The following PCDHA11 variants were observed in gnomAD, a reference collection of about 807,000 sequenced individuals.
PCDHA11 encodes protocadherin alpha 11.
PCDHA11 carries 61 observed loss-of-function variants against 70.3 expected under a neutral mutation model. The observed-to-expected ratio is 0.87, with a 90% CI of 0.71 to 1.07. The LOEUF is 1.07. Among genes scored for constraint, PCDHA11 ranks in the 50% least tolerant of loss-of-function variants. The pLI is 0.00. For missense variants in PCDHA11, 1,324 were observed against 1,237.5 expected (o/e 1.07, Z -1.05); for synonymous variants, 633 against 555.1 (o/e 1.14, Z -1.97).
At chr5:140,875,997 T>C in intron 1 of PCDHA11, 13 of 1,613,924 alleles carry the variant, frequency 8.1e-6, no homozygotes, top group South Asian at 1.1e-5. Context: ...TAAGTCTAAA[T>C]GAGAATTTTG....
chr5:140,979,405 C>A (rs2096849045), intron 2 of PCDHA11, among the ~76,000 whole-genome samples: 1 of 151,828 alleles, frequency 6.6e-6, no homozygotes, highest in Non-Finnish European at 1.5e-5. Flanking sequence ...TGTTGTCTAC[C>A]TTGTTTTTTT....
chr5:140,915,373 C>T (rs1234241584), intron 1 of PCDHA11, among the ~76,000 whole-genome samples: 12 of 152,126 alleles, frequency 7.9e-5, no homozygotes, highest in African/African-American at 2.2e-4. Flanking sequence ...GTAAGTGTCT[C>T]GGCATTGAAG....
intron 1 of PCDHA11, among the ~76,000 whole-genome samples, chr5:140,942,913 G>GA (rs58669311): frequency 1.5e-4 from 23 of 148,948 alleles, no homozygotes; most frequent in Middle Eastern, 3.5e-3. Flanking sequence ...TAAGCGTGAA[G>GA]AAAAAAAAAA....
Position 140,967,000 on chromosome 5 carries a change from C to T in PCDHA11, c.2392-11949C>T, listed in dbSNP as rs544624379. The T allele has an allele frequency of 6.1e-5, 98 of 1,604,962 alleles. No individual in the cohort carries two copies. The East Asian group carries it at 2.1e-3, about 35-fold the overall frequency. ...GGCGCTTGGGGCCGGGTTGCTTGCG[C>T]ATCAACCATCTGGGTGCGCCCAGTC... On this transcript the variant is annotated intron_variant, in intron 1 of 3. Coordinates refer to ENST00000398640, the MANE Select transcript of PCDHA11 (RefSeq NM_018902.5).
At chr5:140,890,634 T>A (rs986470825) in intron 1 of PCDHA11, among the ~76,000 whole-genome samples, 3 of 152,204 alleles carry the variant, frequency 2.0e-5, no homozygotes, top group African/African-American at 7.2e-5. Context: ...TAAGCATGTA[T>A]CCTTGATATA....
intron 1 of PCDHA11, among the ~76,000 whole-genome samples, chr5:140,886,289 T>C (rs115070123): frequency 0.081 from 12,299 of 152,020 alleles, 542 homozygotes; most frequent in Middle Eastern, 0.13. Context: ...ATTATTTTTA[T>C]ATTTATTTAT....
At chr5:140,912,010 G>A (rs1208180595) in intron 1 of PCDHA11, among the ~76,000 whole-genome samples, 1 of 152,202 alleles carries the variant, frequency 6.6e-6, no homozygotes. Flanking sequence ...CCATCTGCAA[G>A]CTGAGGAGCA....
chr5:140,875,438 T>A, intron 1 of PCDHA11: 1 of 1,568,134 alleles, frequency 6.4e-7, no homozygotes, highest in Non-Finnish European at 8.6e-7. Flanking sequence ...CCCTTAAAAC[T>A]GATTGTCCCA....
chr5:140,976,494 G>A (rs1247242198), intron 1 of PCDHA11, among the ~76,000 whole-genome samples: 1 of 151,942 alleles, frequency 6.6e-6, no homozygotes, highest in Non-Finnish European at 1.5e-5. Context: ...GAGGTTGCAG[G>A]GAGCCAAGAT....
At chr5:140,907,170 TG>T (rs1318866379) in intron 1 of PCDHA11, among the ~76,000 whole-genome samples, 1 of 152,188 alleles carries the variant, frequency 6.6e-6, no homozygotes. Flanking sequence ...TATTGGATGC[TG>T]ATTCAGAGCA....
chr5:140,958,775 A>C (rs1179723793), intron 1 of PCDHA11, among the ~76,000 whole-genome samples: 1 of 152,170 alleles, frequency 6.6e-6, no homozygotes, highest in African/African-American at 2.4e-5. Flanking sequence ...GTTTGAAATC[A>C]ACTTTCTATT....
intron 1 of PCDHA11, among the ~76,000 whole-genome samples, chr5:140,933,883 T>C (rs376864592): frequency 1.3e-5 from 2 of 152,084 alleles, no homozygotes; most frequent in East Asian, 1.9e-4. Context: ...GTTTTATCTG[T>C]ACTTTTGAAT....
intron 1 of PCDHA11, among the ~76,000 whole-genome samples, chr5:140,952,265 G>A (rs1292970434): frequency 6.6e-6 from 1 of 151,556 alleles, no homozygotes; most frequent in African/African-American, 2.4e-5. Context: ...CCCATTCTGG[G>A]GTCTTGAGGG....
At chr5:140,968,867 T>C (rs2153774451) in intron 1 of PCDHA11, 2 of 1,614,188 alleles carry the variant, frequency 1.2e-6, no homozygotes, top group Non-Finnish European at 1.7e-6. Flanking sequence ...CCCTCGGACA[T>C]ACTCTGAAAT....
At chr5:141,001,143 G>T (rs1310182286) in intron 3 of PCDHA11, among the ~76,000 whole-genome samples, 1 of 151,914 alleles carries the variant, frequency 6.6e-6, no homozygotes, top group Admixed American at 6.5e-5. Context: ...ATCTTCTGTT[G>T]CTCTGATCTT....
intron 1 of PCDHA11, among the ~76,000 whole-genome samples, chr5:140,871,794 ATTACTATT>A (rs1415079404): frequency 2.2e-4 from 33 of 152,228 alleles, no homozygotes; most frequent in African/African-American, 7.7e-4. Flanking sequence ...AGTAGAAATA[ATTACTATT>A]TTCACTAAAG....
intron 1 of PCDHA11, among the ~76,000 whole-genome samples, chr5:140,935,606 T>C (rs531169810): frequency 6.6e-6 from 1 of 152,352 alleles, no homozygotes; most frequent in East Asian, 1.9e-4. Flanking sequence ...GAGCTAGGCT[T>C]TTTTCAAGTC....
chr5:140,876,898 A>G (rs2056678585), intron 1 of PCDHA11: 38 of 1,614,056 alleles, frequency 2.4e-5, no homozygotes, highest in Non-Finnish European at 3.1e-5. Flanking sequence ...CCACATCTTC[A>G]CGGTGTCGGC....
At chr5:140,994,563 G>A (rs1554254253) in intron 3 of PCDHA11, among the ~76,000 whole-genome samples, 1 of 151,976 alleles carries the variant, frequency 6.6e-6, no homozygotes, top group Non-Finnish European at 1.5e-5. Flanking sequence ...AAATTAGCCG[G>A]GTGTGGTGGC....
Sources: gnomAD v4.1 joint callset for allele counts (sites outside exome capture counted in the v4.1 genomes callset) on GRCh38, gnomAD v4.1.1 for gene constraint, MANE v1.5 for transcripts, NCBI Gene and HGNC (gene_info 2026-07-23, HGNC 2026-07-21) for gene names.